Variants in PRR12 observed in about 807,000 individuals in gnomAD.
The protein encoded by PRR12 is proline-rich protein 12.
PRR12 carries 12 observed loss-of-function variants against 138.0 expected under a neutral mutation model. The observed-to-expected ratio is 0.09, with a 90% CI of 0.06 to 0.14. The LOEUF is 0.14. Among genes scored for constraint, PRR12 ranks in the 10% least tolerant of loss-of-function variants. The probability of loss-of-function intolerance (pLI) is 1.00; values close to 1 mark genes in which losing one functional copy is unlikely to be tolerated. For synonymous variants in PRR12, 1,567 were observed against 1,291.7 expected, an observed-to-expected ratio of 1.21 and a Z score of -4.57; for missense variants, 2,692 against 2,861.3, an observed-to-expected ratio of 0.94 and a Z score of 1.35.
chr19:49,593,674 C>T (rs2080745100), intron 2 of PRR12, among the ~76,000 whole-genome samples: 1 of 152,094 alleles, frequency 6.6e-6, no homozygotes. Context: ...GGCCCTGTTA[C>T]CATCAGCCCC....
rs376034554 is a variant in PRR12 at position 49,620,503 on chromosome 19, G to C, written c.5623+26G>C. On this transcript the variant is annotated intron_variant, in intron 10 of 13. Transcript: ENST00000418929. Reference sequence around the variant, plus strand: ...GTGAGCTGAGGCCTGGGGAGGAGGGGGGGGGGCTGACTCGGTCTGAGGGAG... The same window carrying C: ...GTGAGCTGAGGCCTGGGGAGGAGGGCGGGGGGCTGACTCGGTCTGAGGGAG... The C allele has an allele frequency of 1.2e-4, 185 of 1,548,006 alleles. 1 individual carries two copies. The highest frequency in any genetic ancestry group is 1.1e-3 in the South Asian group (91 of 84,156).
In PRR12 at chr19:49,620,495, GA is replaced by G. The variant is rs1466613235; in HGVS notation, c.5623+19del. The stretch of plus-strand genomic sequence containing the variant: ...CACGCATGGTGAGCTGAGGCCTGGG[GA>G]GGAGGGGGGGGGGCTGACTCGGTCT... On this transcript the variant is annotated intron_variant, in intron 10 of 13. Coordinates refer to ENST00000418929, the MANE Select transcript of PRR12 (RefSeq NM_020719.3). 2.6e-6 allele frequency: 4 copies of G among 1,551,016 alleles called. No individual in the cohort carries two copies. The South Asian group carries it at 4.7e-5, about 18-fold the overall frequency.
At position 49,594,919 on chromosome 19, in the gene PRR12, A is replaced by G; in HGVS notation, c.584A>G (p.Gln195Arg). The stretch of plus-strand genomic sequence containing the variant: ...GACGTGCTGCACCTGAAGCCCTCGC[A>G]GGCACCCACGGTGCCCTCTTCACTG... ...PHDVLHLKPS[Q>R]APTVPSSLGF... Residue 195 changes from glutamine to arginine, a missense_variant, in exon 4 of 14, where the codon CAG (glutamine) becomes CGG (arginine). Physicochemically the swap from Gln to Arg is conservative, Grantham distance 43. Coordinates refer to ENST00000418929, the MANE Select transcript of PRR12 (RefSeq NM_020719.3). The surrounding 1 kb of genome is among the most constrained non-coding windows in gnomAD (Gnocchi z 5.6). The G allele has an allele frequency of 1.9e-6, 3 of 1,607,694 alleles. No homozygotes were observed. Among genetic ancestry groups the G allele is most frequent in the Non-Finnish European group, 2.5e-6 (3 of 1,177,606 alleles).
In PRR12 at chr19:49,597,984, A is replaced by G. The variant is rs1599788155; in HGVS notation, c.3649A>G (p.Thr1217Ala). 7.2e-7 allele frequency: 1 copy of G among 1,385,664 alleles called. No individual in the cohort carries two copies. The highest frequency in any genetic ancestry group is 9.3e-7 in the Non-Finnish European group (1 of 1,072,458). 85.8% of individuals were successfully genotyped at this position (1,385,664 alleles called of 1,614,324 possible). Residue 1217 changes from threonine to alanine, a missense_variant, in exon 4 of 14, where the codon ACC becomes GCC. Physicochemically the swap from Thr to Ala is moderately conservative, Grantham distance 58. This residue lies in a region of PRR12 where 326 missense variants were observed against 344.2 expected (regional missense o/e 0.95). Coordinates refer to ENST00000418929, the MANE Select transcript of PRR12 (RefSeq NM_020719.3). This position sits in a 1 kb window ranked among gnomAD's most constrained non-coding sequence, Gnocchi z 6.3. ...RGRKAEEAGG[T>A]RLEPLKPLKI... ...TCGAAAGGCTGAGGAGGCAGGGGGCACCCGGTTGGAGCCCCTGAAGCCACT... is the reference window on the plus strand; with the variant it reads ...TCGAAAGGCTGAGGAGGCAGGGGGCGCCCGGTTGGAGCCCCTGAAGCCACT...
In PRR12 at chr19:49,616,643, G is replaced by A. The variant is rs566705345; in HGVS notation, c.5497+424G>A. Among the ~76,000 whole-genome samples the A allele has an allele frequency of 6.6e-6, 1 of 152,274 alleles. No individual in the cohort carries two copies. Among genetic ancestry groups the A allele is most frequent in the African/African-American group, 2.4e-5 (1 of 41,564 alleles). On this transcript the variant is annotated intron_variant, in intron 9 of 13. Transcript: ENST00000418929. This position sits in a 1 kb window ranked among gnomAD's most constrained non-coding sequence, Gnocchi z 4.2. ...ACTAGGCAGCTGTCCTGGAGGCTCT[G>A]TGATGGTGGGGTTTCCTGTGAGGCC...
At chr19:49,621,707 G>T in intron 11 of PRR12, 85 bp downstream of exon 11, 1 of 1,124,192 alleles carries the variant, frequency 8.9e-7, no homozygotes, top group Non-Finnish European at 1.3e-6. Context: ...GTTGGCGGGG[G>T]TGATCCTTGG....
At chr19:49,611,402 C>T (rs949148336) in intron 6 of PRR12, among the ~76,000 whole-genome samples, 9 of 148,144 alleles carry the variant, frequency 6.1e-5, no homozygotes, top group African/African-American at 2.0e-4. Context: ...TTTGGGAGGC[C>T]GAGGCAGGTG....
chr19:49,601,647 T>TGCCGCCGCC lies in PRR12; in HGVS notation c.4503_4511dup (p.Pro1505_Pro1507dup). 5 of 1,535,778 alleles carry TGCCGCCGCC rather than the reference T, an allele frequency of 3.3e-6. No individual in the cohort carries two copies. Among genetic ancestry groups the TGCCGCCGCC allele is most frequent in the South Asian group, 1.2e-5 (1 of 83,704 alleles). ...CCCAGCTCACCACCGCCACCGCCGC[T>TGCCGCCGCC]GCCGCCGCCACCTCCACCAGCCATG... On this transcript the variant is annotated inframe_insertion, in exon 6 of 14. Transcript: ENST00000418929.
chr19:49,617,513 C>G (rs986981083), intron 9 of PRR12, among the ~76,000 whole-genome samples: 16 of 152,012 alleles, frequency 1.1e-4, no homozygotes. Flanking sequence ...TGCCTGTAGT[C>G]CCAGCTACTC....
chr19:49,604,937 T>C (rs1347453404), intron 6 of PRR12, among the ~76,000 whole-genome samples: 18 of 151,964 alleles, frequency 1.2e-4, no homozygotes, highest in African/African-American at 4.3e-4. Flanking sequence ...CTGCAACTTC[T>C]ACCTCCCTGG....
At chr19:49,603,662 C>T (rs868074300) in intron 6 of PRR12, among the ~76,000 whole-genome samples, 1 of 152,006 alleles carries the variant, frequency 6.6e-6, no homozygotes, top group Non-Finnish European at 1.5e-5. Context: ...TGTGCCACTG[C>T]ACTCCAACCT....
At position 49,597,242 on chromosome 19, in the gene PRR12, G is replaced by A. The variant is rs920219760; in HGVS notation, c.2907G>A (p.Glu969=). Residue 969 remains glutamate (E), a synonymous_variant, in exon 4 of 14, where the codon GAG becomes GAA. Coordinates refer to ENST00000418929, the MANE Select transcript of PRR12 (RefSeq NM_020719.3). The surrounding 1 kb of genome is among the most constrained non-coding windows in gnomAD (Gnocchi z 6.3). ...ADDYGKAGPP[E]DEGDPKAGAG... is the part of the protein sequence containing the mutation. ...ACTACGGCAAGGCCGGGCCACCTGA[G>A]GACGAGGGGGACCCCAAGGCTGGCG... 3.8e-6 allele frequency: 6 copies of A among 1,570,674 alleles called. No homozygotes were observed. Among genetic ancestry groups the A allele is most frequent in the Non-Finnish European group, 5.2e-6 (6 of 1,158,526 alleles).
In PRR12 at chr19:49,596,804, C is replaced by T. The variant is rs998004981; in HGVS notation, c.2469C>T (p.Leu823=). 3 of 1,600,458 alleles carry T rather than the reference C, an allele frequency of 1.9e-6. No individual in the cohort carries two copies. Among genetic ancestry groups the T allele is most frequent in the Non-Finnish European group, 2.5e-6 (3 of 1,179,214 alleles). ...SPSASKVGVH[L]LEPATRDGAP... ...GCGCCTCCAAAGTCGGCGTCCACCTCCTTGAGCCAGCCACCCGCGATGGGG... is the reference window on the plus strand; with the variant it reads ...GCGCCTCCAAAGTCGGCGTCCACCTTCTTGAGCCAGCCACCCGCGATGGGG... Residue 823 remains leucine (L), a synonymous_variant, in exon 4 of 14, where the codon CTC becomes CTT. Coordinates refer to ENST00000418929, the MANE Select transcript of PRR12 (RefSeq NM_020719.3). The surrounding 1 kb of genome is among the most constrained non-coding windows in gnomAD (Gnocchi z 5.6).
chr19:49,614,080 A>G lies in PRR12; in HGVS notation c.4774-453A>G, dbSNP rs532754413. 3.3e-5 allele frequency among the ~76,000 whole-genome samples: 5 copies of G among 152,240 alleles called. No individual in the cohort carries two copies. The South Asian group carries it at 1.0e-3, about 32-fold the overall frequency. ...GCTGAGATTGCGCCACTGCACTCCA[A>G]CCTGGGCAACAAGAGCAAAACTCCG... On this transcript the variant is annotated intron_variant, in intron 6 of 13. Transcript: ENST00000418929. The surrounding 1 kb of genome is among the most constrained non-coding windows in gnomAD (Gnocchi z 5.0).
Position 49,596,172 on chromosome 19 carries a change from G to C in PRR12, c.1837G>C (p.Gly613Arg), listed in dbSNP as rs766496186. The C allele has an allele frequency of 6.2e-7, 1 of 1,609,564 alleles. No homozygotes were observed. The highest frequency in any genetic ancestry group is 1.1e-5 in the South Asian group (1 of 91,082). ...AGCTGGCAGCTATGCAGCCGGAGCAGGTGGCTACAAGGGCAAGGGGGATGG... is the reference window on the plus strand; with the variant it reads ...AGCTGGCAGCTATGCAGCCGGAGCACGTGGCTACAAGGGCAAGGGGGATGG... The part of the protein sequence containing the change: ...PGAGSYAAGA[G>R]GYKGKGDGSE... Residue 613 changes from glycine to arginine, a missense_variant, in exon 4 of 14, where the codon GGT becomes CGT. Physicochemically the swap from Gly to Arg is moderately radical, Grantham distance 125. Around this residue, in one of 11 missense-constraint regions of PRR12, gnomAD observed 66 missense variants for 102.4 expected, o/e 0.64. Coordinates refer to ENST00000418929, the MANE Select transcript of PRR12 (RefSeq NM_020719.3). This position sits in a 1 kb window ranked among gnomAD's most constrained non-coding sequence, Gnocchi z 5.6.
chr19:49,605,267 T>C (rs2080832630), intron 6 of PRR12, among the ~76,000 whole-genome samples: 1 of 152,106 alleles, frequency 6.6e-6, no homozygotes. Flanking sequence ...CGTATTCTTT[T>C]TTTTGTTTGT....
chr19:49,597,856 C>A lies in PRR12; in HGVS notation c.3521C>A (p.Pro1174His). 1.4e-6 allele frequency: 2 copies of A among 1,460,194 alleles called. No individual in the cohort carries two copies. The highest frequency in any genetic ancestry group is 1.4e-5 in the South Asian group (1 of 69,996). The allele number at this position is 1,460,194 out of a possible 1,614,324, so 90.5% of individuals were successfully genotyped here. ...GGGCCACCCCGGCCACGGGGGAGGCCCCGGATCCGCCCCCTGGAGGTCCCG... is the reference window on the plus strand; with the variant it reads ...GGGCCACCCCGGCCACGGGGGAGGCACCGGATCCGCCCCCTGGAGGTCCCG... ...RDGPPRPRGR[P>H]RIRPLEVPTT... Residue 1174 changes from proline to histidine, a missense_variant, in exon 4 of 14, where the codon CCC becomes CAC. Pro to His is a moderately conservative substitution (Grantham distance 77). This residue lies in a region of PRR12 where 326 missense variants were observed against 344.2 expected (regional missense o/e 0.95). Coordinates refer to ENST00000418929, the MANE Select transcript of PRR12 (RefSeq NM_020719.3). This position sits in a 1 kb window ranked among gnomAD's most constrained non-coding sequence, Gnocchi z 6.3.
In PRR12 at chr19:49,611,308, G is replaced by A. The variant is rs184953938; in HGVS notation, c.4774-3225G>A. 7.3e-4 allele frequency among the ~76,000 whole-genome samples: 111 copies of A among 151,866 alleles called. 1 individual carries two copies. Among genetic ancestry groups the A allele is most frequent in the African/African-American group, 2.3e-3 (97 of 41,440 alleles). Reference sequence around the variant, plus strand: ...GTTGTGCCACTGCACTCCAGCCTGGGTAACGGACTGAGAGGGTCTCACAAA... The same window carrying A: ...GTTGTGCCACTGCACTCCAGCCTGGATAACGGACTGAGAGGGTCTCACAAA... On this transcript the variant is annotated intron_variant, in intron 6 of 13. Transcript: ENST00000418929.
At chr19:49,615,549 T>TCCCAGAGAGGGAGGGGGTCAGAGG (rs2080887465) in intron 8 of PRR12, among the ~76,000 whole-genome samples, 198 bp from the exon 9 acceptor site, 1 of 46,486 alleles carries the variant, frequency 2.2e-5, no homozygotes, top group Admixed American at 3.0e-4. Flanking sequence ...GGGGTCAGAG[T>TCCCAGAGAGGGAGGGGGTCAGAGG]CCCAGAGAGG....
Sources: gnomAD v4.1 joint callset for allele counts (sites outside exome capture counted in the v4.1 genomes callset) on GRCh38, gnomAD v4.1.1 for gene constraint, gnomAD v4.1.1 regional missense constraint, Gnocchi (gnomAD v3.1) non-coding constraint, MANE v1.5 for transcripts, NCBI Gene and HGNC (gene_info 2026-07-23, HGNC 2026-07-21) for gene names.